The following DUSP15 variants were observed in gnomAD, a reference collection of about 807,000 sequenced individuals.
DUSP15 encodes dual specificity phosphatase 15.
In DUSP15, 23 loss-of-function variants were observed where a neutral mutation model predicts 26.3. The ratio of observed to expected loss-of-function variants is 0.87; its 90% confidence interval spans 0.63 to 1.24. The LOEUF is 1.24. Among genes scored for constraint, DUSP15 ranks in the 50% most tolerant of loss-of-function variants. DUSP15 has a pLI of 0.00. For missense variants in DUSP15, 364 were observed against 320.6 expected, an observed-to-expected ratio of 1.14 and a Z score of -1.03; for synonymous variants, 143 against 135.5, an observed-to-expected ratio of 1.06 and a Z score of -0.39.
intron 2 of DUSP15, among the ~76,000 whole-genome samples, chr20:31,868,537 TGGCACGATCTC>T (rs2062825408): frequency 6.9e-6 from 1 of 145,042 alleles, no homozygotes; most frequent in Non-Finnish European, 1.5e-5. Flanking sequence ...TGGAGTGCAG[TGGCACGATCTC>T]GGCTGACTGC....
At position 31,870,427 on chromosome 20, in the gene DUSP15, C is replaced by T; in HGVS notation, c.-90G>A. 11 of 1,295,690 alleles carry T rather than the reference C, an allele frequency of 8.5e-6. No homozygotes were observed. Among genetic ancestry groups the T allele is most frequent in the Non-Finnish European group, 1.1e-5 (11 of 1,025,818 alleles). The allele number at this position is 1,295,690 out of a possible 1,614,324, so 80.3% of individuals were successfully genotyped here. ...CTGCCCTGACGGCCCAGGCCCGACG[C>T]CTGCAGCCTGGCGGGGAACGGGGGG... On this transcript the variant is annotated 5_prime_UTR_variant, in exon 1 of 7. Transcript: ENST00000339738. The surrounding 1 kb of genome is among the most constrained non-coding windows in gnomAD (Gnocchi z 6.6).
At chr20:31,862,767 G>C (rs745620909) in intron 5 of DUSP15, 25 bp from the exon 6 acceptor site, 2 of 1,570,846 alleles carry the variant, frequency 1.3e-6, no homozygotes, top group South Asian at 2.3e-5. Flanking sequence ...AACCCCTCAG[G>C]CTTCAAGTAA....
downstream of DUSP15, among the ~76,000 whole-genome samples, chr20:31,846,448 G>C (rs1381243168): frequency 1.3e-5 from 1 of 79,244 alleles, no homozygotes; most frequent in African/African-American, 9.0e-5. Flanking sequence ...TGAATAGAGA[G>C]AGAGAGAGAG....
chr20:31,867,202 A>G (rs757772903), intron 2 of DUSP15, 49 bp from the exon 3 acceptor site: 39 of 1,520,412 alleles, frequency 2.6e-5, no homozygotes, highest in Non-Finnish European at 3.4e-5. Context: ...GGATGTCCTG[A>G]TGGCCAAGTG....
At position 31,861,490 on chromosome 20, in the gene DUSP15, T is replaced by C. The variant is rs1486542729; in HGVS notation, c.621A>G (p.Glu207=). 1.9e-5 allele frequency: 29 copies of C among 1,536,080 alleles called. No homozygotes were observed. The South Asian group carries it at 3.2e-4, about 17-fold the overall frequency. Residue 207 remains glutamate, a synonymous_variant, in exon 7 of 7, where the codon GAA becomes GAG. Transcript: ENST00000339738. The part of the protein sequence containing the change: ...VQRLVPRTPR[E]AHRPLPLLAR... ...CCAGCAGCGGCAGCGGCCGGTGGGC[T>C]TCCCGGGGCGTGCGCGGCACCAGGC...
At chr20:31,848,975 G>T in intron 8 of DUSP15, 1 of 1,266,696 alleles carries the variant, frequency 7.9e-7, no homozygotes, top group Non-Finnish European at 1.1e-6. Flanking sequence ...ACCCACTGGT[G>T]CCCATCTTGT....
At chr20:31,869,520 C>T (rs2062865157) in intron 2 of DUSP15, 44 bp downstream of exon 2, 1 of 1,601,476 alleles carries the variant, frequency 6.2e-7, no homozygotes, top group Non-Finnish European at 8.5e-7. Flanking sequence ...AGGCCTGAGA[C>T]AGGCAGAGTG....
At chr20:31,850,233 C>G (rs1382328975) in intron 7 of DUSP15, among the ~76,000 whole-genome samples, 1 of 152,176 alleles carries the variant, frequency 6.6e-6, no homozygotes, top group Non-Finnish European at 1.5e-5. Flanking sequence ...AACCTAGCAG[C>G]GTCTCATGAG....
At chr20:31,863,518 C>T (rs1193116932) in intron 5 of DUSP15, 3 of 168,108 alleles carry the variant, frequency 1.8e-5, no homozygotes, top group African/African-American at 7.1e-5. Flanking sequence ...TTCCTGTCTC[C>T]CAGCTCGGGG....
chr20:31,850,531 G>T, intron 7 of DUSP15: 1 of 1,415,942 alleles, frequency 7.1e-7, no homozygotes, highest in Non-Finnish European at 9.8e-7. Context: ...TTGGGTGGGA[G>T]AGAGAGGTGG....
exon 8 of DUSP15, chr20:31,849,789 G>C (rs763378127): frequency 1.3e-6 from 2 of 1,540,764 alleles, no homozygotes; most frequent in African/African-American, 2.7e-5. Context: ...GCCGCCCGCG[G>C]ACTCAGACGA....
chr20:31,870,228 G>T lies in DUSP15; in HGVS notation c.21+89C>A. On this transcript the variant is annotated intron_variant, in intron 1 of 6. Coordinates refer to ENST00000339738, the MANE Select transcript of DUSP15 (RefSeq NM_080611.5). The surrounding 1 kb of genome is among the most constrained non-coding windows in gnomAD (Gnocchi z 6.6). ...CGCACGGAGACCGGCGAGAACAGAAGGTCAGAGGCGGGCGGACCGAGCTGG... is the reference window on the plus strand; with the variant it reads ...CGCACGGAGACCGGCGAGAACAGAATGTCAGAGGCGGGCGGACCGAGCTGG... The T allele has an allele frequency of 1.6e-6, 2 of 1,226,184 alleles. No homozygotes were observed. The highest frequency in any genetic ancestry group is 2.0e-6 in the Non-Finnish European group (2 of 984,114). 76.0% of individuals were successfully genotyped at this position (1,226,184 alleles called of 1,614,324 possible).
chr20:31,863,186 G>A (rs929680115), intron 5 of DUSP15, among the ~76,000 whole-genome samples: 9 of 152,146 alleles, frequency 5.9e-5, no homozygotes, highest in Admixed American at 6.5e-5. Flanking sequence ...TTAATCTATA[G>A]GTGGGGTGGG....
intron 2 of DUSP15, among the ~76,000 whole-genome samples, chr20:31,867,646 T>TTTTTTTGTTTTTG (rs1568700118): frequency 7.4e-5 from 10 of 136,020 alleles, no homozygotes; most frequent in Admixed American, 5.2e-4. Context: ...TTTTTTTTTT[T>TTTTTTTGTTTTTG]TTTTTTTTTT....
At chr20:31,846,908 C>A (rs1396843678), downstream of DUSP15, among the ~76,000 whole-genome samples, 1 of 152,170 alleles carries the variant, frequency 6.6e-6, no homozygotes, top group Non-Finnish European at 1.5e-5. Flanking sequence ...GAATGCAGCA[C>A]CCTCATCAAG....
At chr20:31,869,450 G>A (rs1034342595) in intron 2 of DUSP15, 114 bp downstream of exon 2, 21 of 1,411,056 alleles carry the variant, frequency 1.5e-5, no homozygotes, top group East Asian at 2.5e-5. Flanking sequence ...GCCTGGGGCC[G>A]CTTCCCTGCC....
downstream of DUSP15, among the ~76,000 whole-genome samples, chr20:31,859,302 G>A (rs1023539948): frequency 6.8e-6 from 1 of 146,154 alleles, no homozygotes; most frequent in African/African-American, 2.6e-5. Context: ...ATTTTTTTGG[G>A]GGGGGGGGAT....
intron 6 of DUSP15, among the ~76,000 whole-genome samples, chr20:31,853,351 G>T (rs2062507054): frequency 6.6e-6 from 1 of 152,084 alleles, no homozygotes; most frequent in Admixed American, 6.5e-5. Context: ...GCCATAGAAT[G>T]AAATCCCTAC....
rs768692357 is a variant in DUSP15, at chr20:31,861,576, A to G, written c.535T>C (p.Ser179Pro). The G allele has an allele frequency of 2.0e-6, 3 of 1,497,788 alleles. No homozygotes were observed. The highest frequency in any genetic ancestry group is 1.5e-5 in the African/African-American group (1 of 68,794). 92.8% of individuals were successfully genotyped at this position (1,497,788 alleles called of 1,614,324 possible). A position where few individuals can be genotyped will look rare whatever the true frequency, so the allele number is the denominator to read the frequency against. Residue 179 changes from serine (S) to proline (P), a missense_variant, in exon 7 of 7, where the codon TCC becomes CCC. Ser to Pro is a moderately conservative substitution (Grantham distance 74, BLOSUM62 -1). Transcript: ENST00000339738. ...CCGGCGGAGGAGGCCGAGGTCGCGG[A>G]GCCCTGCCGGCAGCGCTTGCACAGC... is the stretch of plus-strand genomic sequence containing the variant. ...LPLCKRCRQG[S>P]ATSASSAGPH... is the part of the protein sequence containing the mutation.
Sources: gnomAD v4.1 joint callset for allele counts (sites outside exome capture counted in the v4.1 genomes callset) on GRCh38, gnomAD v4.1.1 for gene constraint, Gnocchi (gnomAD v3.1) non-coding constraint, MANE v1.5 for transcripts, NCBI Gene and HGNC (gene_info 2026-07-23, HGNC 2026-07-21) for gene names.